Variants in ANKRD13C observed in about 807,000 individuals in gnomAD.
ANKRD13C encodes ankyrin repeat domain 13C.
In ANKRD13C, 16 loss-of-function variants were observed where a neutral mutation model predicts 65.5. That is an observed-to-expected ratio of 0.24 (90% CI 0.17 to 0.37). ANKRD13C has a LOEUF of 0.37. Ranked by LOEUF, ANKRD13C falls within the 10% of genes least tolerant of loss-of-function variation. The pLI is 1.00. For missense variants in ANKRD13C, 503 were observed against 655.9 expected (o/e 0.77, Z 2.55); for synonymous variants, 235 against 238.7 (o/e 0.98, Z 0.14).
At chr1:70,279,103 G>A (rs751964965) in intron 9 of ANKRD13C, among the ~76,000 whole-genome samples, 2 of 151,764 alleles carry the variant, frequency 1.3e-5, no homozygotes, top group Non-Finnish European at 2.9e-5. Flanking sequence ...GCTACTTGAA[G>A]GGCCAAGGTG....
intron 4 of ANKRD13C, among the ~76,000 whole-genome samples, chr1:70,315,209 T>C (rs1230534464): frequency 6.6e-6 from 1 of 152,180 alleles, no homozygotes. Context: ...AAAGGAAAAT[T>C]ATTGCCATTA....
intron 12 of ANKRD13C, among the ~76,000 whole-genome samples, chr1:70,264,475 CAAAAAAA>C (rs57312096): frequency 1.8e-4 from 9 of 48,930 alleles, no homozygotes; most frequent in South Asian, 8.8e-4. Flanking sequence ...GACTCTATCT[CAAAAAAA>C]AAAAAAAAAA....
chr1:70,286,562 G>C (rs888812739), intron 9 of ANKRD13C, among the ~76,000 whole-genome samples: 1 of 152,092 alleles, frequency 6.6e-6, no homozygotes, highest in African/African-American at 2.4e-5. Flanking sequence ...TATTATACTG[G>C]TGTTACTTCC....
chr1:70,349,681 GGATTCAAC>G (rs1472169467), intron 1 of ANKRD13C, among the ~76,000 whole-genome samples: 2 of 151,884 alleles, frequency 1.3e-5, no homozygotes, highest in Non-Finnish European at 2.9e-5. Context: ...GACCAAATCA[GGATTCAAC>G]AAGTTCTCCA....
At chr1:70,315,933 T>C (rs919558450) in intron 3 of ANKRD13C, among the ~76,000 whole-genome samples, 7 of 152,224 alleles carry the variant, frequency 4.6e-5, no homozygotes, top group African/African-American at 1.4e-4. Flanking sequence ...CACTAGCTTT[T>C]ACTAGTTTTT....
chr1:70,304,056 G>A (rs1335927938), intron 6 of ANKRD13C, among the ~76,000 whole-genome samples: 1 of 152,016 alleles, frequency 6.6e-6, no homozygotes, highest in Non-Finnish European at 1.5e-5. Context: ...TTTTGTGTGT[G>A]TGTGTGACAG....
In ANKRD13C at chr1:70,354,348, C is replaced by A. The variant is rs764682775; in HGVS notation, c.61G>T (p.Asp21Tyr). 3 of 1,614,134 alleles carry A rather than the reference C, an allele frequency of 1.9e-6. No individual in the cohort carries two copies. The highest frequency in any genetic ancestry group is 2.5e-6 in the Non-Finnish European group (3 of 1,180,020). ...TCCTCATCCCCGGGCTCCAGCAGGT[C>A]CCCTTCTTCTTTGCTGGGCTTGTGG... is the stretch of plus-strand genomic sequence containing the variant. ...RDHKPSKEEG[D>Y]LLEPGDEEAA... The change falls in exon 1 of 13, where the codon GAC becomes TAC. Residue 21 changes from aspartate to tyrosine, a missense_variant. Asp to Tyr is a radical substitution (Grantham distance 160). Transcript: ENST00000370944.
chr1:70,289,557 C>CG (rs1415307424), intron 9 of ANKRD13C, among the ~76,000 whole-genome samples: 3 of 151,912 alleles, frequency 2.0e-5, no homozygotes, highest in East Asian at 3.9e-4. Context: ...CTCTGCCTCC[C>CG]GGGGGTTCAC....
intron 1 of ANKRD13C, among the ~76,000 whole-genome samples, chr1:70,345,931 TG>T (rs1206050875): frequency 6.6e-6 from 1 of 152,210 alleles, no homozygotes; most frequent in Non-Finnish European, 1.5e-5. Flanking sequence ...ATGAAAAAGG[TG>T]GCTAGCTCAG....
chr1:70,319,647 T>C lies in ANKRD13C; in HGVS notation c.578-4081A>G, dbSNP rs1413500021. On this transcript the variant is annotated intron_variant, in intron 3 of 12. Transcript: ENST00000370944. ...ACCAAATACATATTGTTCCCTAGCA[T>C]ATGCCTTTTTTTTTTTTTAATATTT... Among the ~76,000 whole-genome samples, 10 of 130,260 alleles carry C rather than the reference T, an allele frequency of 7.7e-5. 1 individual carries two copies. The highest frequency in any genetic ancestry group is 3.0e-4 in the South Asian group (1 of 3,372). 85.5% of individuals were successfully genotyped at this position (130,260 alleles called of 152,430 possible).
At chr1:70,297,296 T>TTTTTTTG (rs1680129136) in intron 7 of ANKRD13C, among the ~76,000 whole-genome samples, 1 of 142,920 alleles carries the variant, frequency 7.0e-6, no homozygotes, top group African/African-American at 2.6e-5. Context: ...GATTTTTTTT[T>TTTTTTTG]TTTTTTTTTT....
chr1:70,293,042 A>G (rs1368591219), intron 8 of ANKRD13C, among the ~76,000 whole-genome samples: 1 of 152,228 alleles, frequency 6.6e-6, no homozygotes, highest in African/African-American at 2.4e-5. Flanking sequence ...TGACCTGTTC[A>G]CATTCTCTAT....
At chr1:70,285,591 C>A (rs1354672404) in intron 9 of ANKRD13C, among the ~76,000 whole-genome samples, 4 of 151,886 alleles carry the variant, frequency 2.6e-5, no homozygotes, top group Middle Eastern at 3.4e-3. Flanking sequence ...TCTTTCACCC[C>A]CTGTTGTTTA....
intron 1 of ANKRD13C, among the ~76,000 whole-genome samples, chr1:70,336,471 T>C (rs1415020377): frequency 6.6e-6 from 1 of 152,116 alleles, no homozygotes; most frequent in African/African-American, 2.4e-5. Context: ...AGTTTTCAAG[T>C]TGTTCGGAAA....
In ANKRD13C at chr1:70,261,398, G is replaced by C. The variant is rs1451176159; in HGVS notation, c.*1319C>G. On this transcript the variant is annotated 3_prime_UTR_variant, in exon 13 of 13. Coordinates refer to ENST00000370944, the MANE Select transcript of ANKRD13C (RefSeq NM_030816.5). ...TAAAAAACTTGACAGATGCATTCTT[G>C]AGACATTCATCAGGATACATTTTAA... 1 of 151,990 alleles carries C rather than the reference G, an allele frequency of 6.6e-6. No individual in the cohort carries two copies. Among genetic ancestry groups the C allele is most frequent in the East Asian group, 1.9e-4 (1 of 5,194 alleles). The allele number at this position is 151,990 out of a possible 1,614,324, so 9.4% of individuals were successfully genotyped here.
intron 9 of ANKRD13C, 37 bp from the exon 10 acceptor site, chr1:70,276,881 G>A: frequency 2.1e-6 from 3 of 1,454,920 alleles, no homozygotes; most frequent in Non-Finnish European, 2.8e-6. Context: ...TGGGGTGGGG[G>A]AGAAAGAAAG....
chr1:70,311,883 A>G (rs552739919), intron 5 of ANKRD13C, among the ~76,000 whole-genome samples: 63 of 152,340 alleles, frequency 4.1e-4, no homozygotes, highest in African/African-American at 1.5e-3. Flanking sequence ...TGTAATGTAC[A>G]TAAGCTGGAG....
intron 6 of ANKRD13C, among the ~76,000 whole-genome samples, chr1:70,304,453 G>A (rs1244853289): frequency 1.3e-5 from 2 of 151,740 alleles, no homozygotes; most frequent in Admixed American, 6.6e-5. Context: ...CTAAAGTGCA[G>A]TGTCGTGATT....
At chr1:70,287,299 C>A (rs1017063363) in intron 9 of ANKRD13C, among the ~76,000 whole-genome samples, 1 of 151,932 alleles carries the variant, frequency 6.6e-6, no homozygotes, top group Non-Finnish European at 1.5e-5. Context: ...AGATTCAACA[C>A]CATCCCTATA....
Sources: gnomAD v4.1 joint callset for allele counts (sites outside exome capture counted in the v4.1 genomes callset) on GRCh38, gnomAD v4.1.1 for gene constraint, MANE v1.5 for transcripts, NCBI Gene and HGNC (gene_info 2026-07-23, HGNC 2026-07-21) for gene names.